KCND2: variants seen among roughly 807,000 people sequenced by gnomAD.
KCND2 encodes the protein A-type voltage-gated potassium channel KCND2.
A neutral mutation model predicts 54.4 loss-of-function variants in KCND2; 16 were observed. The ratio of observed to expected loss-of-function variants is 0.29; its 90% CI spans 0.20 to 0.45. The LOEUF (loss-of-function observed/expected upper bound fraction) is 0.45. Among genes scored for constraint, KCND2 ranks in the 20% least tolerant of loss-of-function variants. The probability of loss-of-function intolerance (pLI) is 1.00; values close to 1 mark genes in which losing one functional copy is unlikely to be tolerated. For synonymous variants in KCND2, 317 were observed against 310.7 expected, an observed-to-expected ratio of 1.02 and a Z score of -0.21; for missense variants, 486 against 824.2, an observed-to-expected ratio of 0.59 and a Z score of 5.02.
rs56748699 is a variant in KCND2, at chr7:120,295,347, A to AAC, written c.1115+19644_1115+19645dup. Reference sequence around the variant, plus strand: ...GCCCTGAAAAAATATGTCATAGAGTAACACACACACACACACACACACACA... The same window carrying AAC: ...GCCCTGAAAAAATATGTCATAGAGTAACACACACACACACACACACACACACA... On this transcript the variant is annotated intron_variant, in intron 1 of 5. Coordinates refer to ENST00000331113, the MANE Select transcript of KCND2 (RefSeq NM_012281.3). 4.6e-3 allele frequency among the ~76,000 whole-genome samples: 657 copies of AAC among 141,480 alleles called. 5 individuals are homozygous for AAC. Among genetic ancestry groups the AAC allele is most frequent in the Middle Eastern group, 0.015 (4 of 274 alleles). The allele number at this position is 141,480 out of a possible 152,430, so 92.8% of individuals were successfully genotyped here.
chr7:120,710,127 C>G lies in KCND2; in HGVS notation c.1116-22776C>G, dbSNP rs116046038. 4.4e-3 allele frequency among the ~76,000 whole-genome samples: 663 copies of G among 152,196 alleles called. 5 individuals carry two copies. The highest frequency in any genetic ancestry group is 0.015 in the African/African-American group (636 of 41,534). On this transcript the variant is annotated intron_variant, in intron 1 of 5. Transcript: ENST00000331113. Reference sequence around the variant, plus strand: ...TAGTGACACTATATCCAAACTCCCACAGTAATGAGTCATATTTTACCAAGA... The same window carrying G: ...TAGTGACACTATATCCAAACTCCCAGAGTAATGAGTCATATTTTACCAAGA...
intron 1 of KCND2, among the ~76,000 whole-genome samples, chr7:120,509,712 A>G (rs1803083083): frequency 6.6e-6 from 1 of 152,098 alleles, no homozygotes; most frequent in African/African-American, 2.4e-5. Flanking sequence ...TGTGTTGTTT[A>G]CTTCAATGCA....
At chr7:120,304,374 T>A (rs1799622221) in intron 1 of KCND2, among the ~76,000 whole-genome samples, 1 of 152,174 alleles carries the variant, frequency 6.6e-6, no homozygotes, top group Non-Finnish European at 1.5e-5. Flanking sequence ...TTCTTAACAA[T>A]GTAAAGACCA....
rs551737540 is a variant in KCND2, at chr7:120,545,097, T to C, written c.1116-187806T>C. Among the ~76,000 whole-genome samples, 3 of 152,004 alleles carry C rather than the reference T, an allele frequency of 2.0e-5. No homozygotes were observed. The South Asian group carries it at 6.2e-4, about 31-fold the overall frequency. On this transcript the variant is annotated intron_variant, in intron 1 of 5. Coordinates refer to ENST00000331113, the MANE Select transcript of KCND2 (RefSeq NM_012281.3). ...TTATATATTCAAACAAACATTACCA[T>C]AGGTGTAAATATTTAGATTCTAATC... is the stretch of plus-strand genomic sequence containing the variant.
chr7:120,438,331 A>G (rs1801899347), intron 1 of KCND2, among the ~76,000 whole-genome samples: 1 of 152,164 alleles, frequency 6.6e-6, no homozygotes, highest in Admixed American at 6.6e-5. Context: ...CTCTTGTAAC[A>G]TCCTGTACTT....
chr7:120,473,302 CA>C (rs1802487184), intron 1 of KCND2, among the ~76,000 whole-genome samples: 1 of 152,174 alleles, frequency 6.6e-6, no homozygotes, highest in South Asian at 2.1e-4. Context: ...GCTTTAACCA[CA>C]GCGCTCATCG....
chr7:120,523,704 CTGTGTGTGTG>C lies in KCND2; in HGVS notation c.1116-209165_1116-209156del, dbSNP rs199762798. Among the ~76,000 whole-genome samples, 738 of 137,220 alleles carry C rather than the reference CTGTGTGTGTG, an allele frequency of 5.4e-3. 12 individuals are homozygous for C. Among genetic ancestry groups the C allele is most frequent in the East Asian group, 0.053 (253 of 4,792 alleles). The allele number at this position is 137,220 out of a possible 152,430, so 90.0% of individuals were successfully genotyped here. On this transcript the variant is annotated intron_variant, in intron 1 of 5. Coordinates refer to ENST00000331113, the MANE Select transcript of KCND2 (RefSeq NM_012281.3). ...ACACAGATATACACACACACACACT[CTGTGTGTGTG>C]TGTGTGTGTGTGTGTGTGTGTGTGT...
intron 1 of KCND2, among the ~76,000 whole-genome samples, chr7:120,482,455 A>T (rs528160723): frequency 1.5e-4 from 23 of 152,304 alleles, no homozygotes; most frequent in African/African-American, 5.3e-4. Context: ...GGACATAAAT[A>T]TTGGGGGCCA....
intron 1 of KCND2, among the ~76,000 whole-genome samples, chr7:120,440,140 C>T (rs1044764395): frequency 5.3e-5 from 8 of 152,102 alleles, no homozygotes; most frequent in East Asian, 1.9e-4. Flanking sequence ...TATTTCTCCA[C>T]GCTCTCACCA....
chr7:120,304,314 A>G lies in KCND2; in HGVS notation c.1115+28567A>G, dbSNP rs73722557. ...GGTATTTTGAAACTAAAGAATATAC[A>G]GCACACAGAATATGTAATGACCTTT... On this transcript the variant is annotated intron_variant, in intron 1 of 5. Coordinates refer to ENST00000331113, the MANE Select transcript of KCND2 (RefSeq NM_012281.3). Among the ~76,000 whole-genome samples the G allele has an allele frequency of 4.4e-3, 677 of 152,282 alleles. 7 individuals are homozygous for G. The highest frequency in any genetic ancestry group is 0.015 in the African/African-American group (641 of 41,572).
At chr7:120,610,897 G>A (rs1248745243) in intron 1 of KCND2, among the ~76,000 whole-genome samples, 2 of 152,124 alleles carry the variant, frequency 1.3e-5, no homozygotes, top group African/African-American at 2.4e-5. Context: ...AATACAGCCT[G>A]TCCTTTTGTT....
intron 1 of KCND2, among the ~76,000 whole-genome samples, chr7:120,281,466 G>C (rs573743083): frequency 6.7e-6 from 1 of 148,776 alleles, no homozygotes. Flanking sequence ...CACCATTTTT[G>C]TGCATATTTG....
intron 1 of KCND2, among the ~76,000 whole-genome samples, chr7:120,565,220 TGTGACCTTAGGCAAAGTA>T (rs1444579528): frequency 2.0e-5 from 3 of 152,234 alleles, no homozygotes; most frequent in East Asian, 3.8e-4. Flanking sequence ...CATGCTTTTC[TGTGACCTTAGGCAAAGTA>T]TTTCTGTGAC....
intron 1 of KCND2, among the ~76,000 whole-genome samples, chr7:120,610,631 G>C (rs1003670397): frequency 6.6e-6 from 1 of 152,046 alleles, no homozygotes; most frequent in African/African-American, 2.4e-5. Flanking sequence ...GGTCCTAGAG[G>C]AAACAAATAA....
intron 1 of KCND2, among the ~76,000 whole-genome samples, chr7:120,489,984 C>T (rs73435902): frequency 0.011 from 1,715 of 152,182 alleles, 39 homozygotes; most frequent in African/African-American, 0.039. Context: ...GGCAAGTCAT[C>T]GTTGTCACTC....
At chr7:120,528,778 C>T (rs1047356181) in intron 1 of KCND2, among the ~76,000 whole-genome samples, 11 of 152,198 alleles carry the variant, frequency 7.2e-5, no homozygotes, top group African/African-American at 2.6e-4. Context: ...ATGATAATAC[C>T]TGTTCCATTT....
At chr7:120,529,967 G>A (rs1004688787) in intron 1 of KCND2, among the ~76,000 whole-genome samples, 1 of 152,062 alleles carries the variant, frequency 6.6e-6, no homozygotes, top group African/African-American at 2.4e-5. Flanking sequence ...CAGTTACTCA[G>A]GAGTGTGAGG....
intron 1 of KCND2, among the ~76,000 whole-genome samples, chr7:120,640,489 G>A (rs1041059551): frequency 5.9e-5 from 9 of 152,114 alleles, no homozygotes; most frequent in African/African-American, 1.7e-4. Context: ...TTGCATCAAC[G>A]TGCATTTCCG....
intron 1 of KCND2, among the ~76,000 whole-genome samples, chr7:120,305,591 C>A (rs1382916819): frequency 6.6e-6 from 1 of 152,130 alleles, no homozygotes; most frequent in Non-Finnish European, 1.5e-5. Flanking sequence ...TTGCTATTTG[C>A]ATTTTACATT....
Sources: allele counts gnomAD v4.1 joint callset (sites outside exome capture counted in the v4.1 genomes callset), GRCh38; gene constraint gnomAD v4.1.1; transcripts MANE v1.5; gene names NCBI Gene and HGNC (gene_info 2026-07-23, HGNC 2026-07-21).